The following PTPRT variants were observed in gnomAD, a reference collection of about 807,000 sequenced individuals.
The protein encoded by PTPRT is protein tyrosine phosphatase receptor type T, also known as receptor-type tyrosine-protein phosphatase T.
Under a neutral mutation model 176.8 loss-of-function variants are expected in PTPRT, and 56 were observed. The ratio of observed to expected loss-of-function variants is 0.32; its 90% confidence interval spans 0.26 to 0.40. The LOEUF (loss-of-function observed/expected upper bound fraction) is 0.40, where lower values mean the gene tolerates loss of function less well. Ranked by LOEUF, PTPRT falls within the 10% of genes least tolerant of loss-of-function variation. The pLI is 1.00. For synonymous variants in PTPRT, 783 were observed against 739.0 expected (o/e 1.06, Z -0.96); for missense variants, 1,540 against 1,908.2 (o/e 0.81, Z 3.60).
rs139563643 is a variant in PTPRT at position 42,527,626 on chromosome 20, C to T, written c.1154-55064G>A. On this transcript the variant is annotated intron_variant, in intron 7 of 30. Transcript: ENST00000373187. ...AGCAGAAGGAGCAGAAGGGTCTTTGCTATCTCAAAATCAGAAGTCTGTTCC... is the reference window on the plus strand; with the variant it reads ...AGCAGAAGGAGCAGAAGGGTCTTTGTTATCTCAAAATCAGAAGTCTGTTCC... 4.6e-3 allele frequency among the ~76,000 whole-genome samples: 699 copies of T among 152,270 alleles called. 4 individuals are homozygous for T. The highest frequency in any genetic ancestry group is 0.016 in the African/African-American group (666 of 41,560).
At chr20:42,350,222 T>TTTTTG (rs1568799279) in intron 11 of PTPRT, among the ~76,000 whole-genome samples, 1 of 55,944 alleles carries the variant, frequency 1.8e-5, no homozygotes, top group African/African-American at 6.7e-5. Context: ...TTGTTTTTTT[T>TTTTTG]TTTTTTTTTT....
intron 1 of PTPRT, among the ~76,000 whole-genome samples, chr20:43,021,801 G>A (rs1315291787): frequency 3.6e-5 from 4 of 110,472 alleles, no homozygotes; most frequent in African/African-American, 1.2e-4. Flanking sequence ...CACATAATGG[G>A]AGATACAGGA....
At chr20:42,055,400 A>T in the PTPRT span, among the ~76,000 whole-genome samples, 8 of 152,188 alleles carry the variant, frequency 5.3e-5, no homozygotes, top group Non-Finnish European at 8.8e-5. Context: ...CGGAGACTCA[A>T]TTCGGGTCTA....
At chr20:42,977,771 C>G (rs1983032629) in intron 1 of PTPRT, among the ~76,000 whole-genome samples, 1 of 152,194 alleles carries the variant, frequency 6.6e-6, no homozygotes, top group African/African-American at 2.4e-5. Context: ...ATTATTTTAG[C>G]TACTCTCTAT....
chr20:42,918,767 C>G (rs996211716), intron 1 of PTPRT, among the ~76,000 whole-genome samples: 1 of 152,284 alleles, frequency 6.6e-6, no homozygotes, highest in Non-Finnish European at 1.5e-5. Flanking sequence ...AGGGGTCAGA[C>G]AGTGCTTGCC....
chr20:42,215,770 T>A (rs989597523), intron 15 of PTPRT, among the ~76,000 whole-genome samples: 9 of 79,892 alleles, frequency 1.1e-4, no homozygotes, highest in African/African-American at 2.9e-4. Flanking sequence ...GCTAGGAGAC[T>A]CCTTGCAGCA....
intron 7 of PTPRT, among the ~76,000 whole-genome samples, chr20:42,530,579 T>C (rs2072364490): frequency 6.6e-6 from 1 of 152,240 alleles, no homozygotes; most frequent in Admixed American, 6.5e-5. Flanking sequence ...ATCAGATCCA[T>C]GTGGGAAAAG....
chr20:42,331,122 T>A (rs1354525550), intron 11 of PTPRT, among the ~76,000 whole-genome samples: 1 of 151,832 alleles, frequency 6.6e-6, no homozygotes, highest in African/African-American at 2.4e-5. Context: ...CTCTCAAACC[T>A]CAGACATCCT....
chr20:43,099,684 C>T (rs894061167), intron 1 of PTPRT, among the ~76,000 whole-genome samples: 5 of 152,284 alleles, frequency 3.3e-5, no homozygotes, highest in African/African-American at 4.8e-5. Flanking sequence ...GTCTAAAATC[C>T]TCATCTCCAT....
At chr20:42,086,743 A>ATATATAT (rs1436136131) in intron 27 of PTPRT, among the ~76,000 whole-genome samples, 1 of 38,302 alleles carries the variant, frequency 2.6e-5, no homozygotes, top group Non-Finnish European at 5.8e-5. Flanking sequence ...AAAAAAAAAA[A>ATATATAT]AAAAAAAAAA....
chr20:42,557,582 T>A (rs2072881719), intron 7 of PTPRT, among the ~76,000 whole-genome samples: 1 of 152,148 alleles, frequency 6.6e-6, no homozygotes, highest in African/African-American at 2.4e-5. Flanking sequence ...CTTCTCACCA[T>A]TTTTTTAATG....
chr20:42,487,114 G>T (rs1010859763), intron 7 of PTPRT, among the ~76,000 whole-genome samples: 1 of 152,182 alleles, frequency 6.6e-6, no homozygotes, highest in African/African-American at 2.4e-5. Context: ...TCAGGTGTGT[G>T]GAGAGCCAGA....
At chr20:42,531,958 G>T (rs558367781) in intron 7 of PTPRT, among the ~76,000 whole-genome samples, 3 of 152,200 alleles carry the variant, frequency 2.0e-5, no homozygotes, top group African/African-American at 7.2e-5. Context: ...GAAGATGAGC[G>T]TGCCCTCATG....
intron 8 of PTPRT, among the ~76,000 whole-genome samples, chr20:42,451,009 G>C (rs1443420641): frequency 3.9e-5 from 6 of 152,206 alleles, no homozygotes; most frequent in Non-Finnish European, 8.8e-5. Context: ...ATAAGTAGAA[G>C]TTATCAGGGC....
At chr20:42,922,848 GC>G (rs762363777) in intron 1 of PTPRT, among the ~76,000 whole-genome samples, 125 of 152,166 alleles carry the variant, frequency 8.2e-4, no homozygotes, top group Non-Finnish European at 1.5e-3. Flanking sequence ...TGCAGGTGAA[GC>G]ATAGACCACC....
In PTPRT at chr20:42,157,867, T is replaced by C. The variant is rs1989430796; in HGVS notation, c.2682+3485A>G. Among the ~76,000 whole-genome samples the C allele has an allele frequency of 2.0e-5, 3 of 152,182 alleles. No individual in the cohort carries two copies. In the South Asian group the frequency reaches 6.2e-4, roughly 32 times the overall value. ...ATGGAGTTCTGAGCCACCATGGAAA[T>C]CGTCCACCTATCCCAAGGCTACTAC... On this transcript the variant is annotated intron_variant, in intron 17 of 30. Transcript: ENST00000373187.
intron 7 of PTPRT, among the ~76,000 whole-genome samples, chr20:42,500,574 C>T (rs1203851297): frequency 6.6e-6 from 1 of 151,986 alleles, no homozygotes; most frequent in African/African-American, 2.4e-5. Flanking sequence ...ATTCATTTTA[C>T]TCCCCTTTAA....
chr20:42,337,746 C>A (rs1039158935), intron 11 of PTPRT, among the ~76,000 whole-genome samples: 10 of 152,174 alleles, frequency 6.6e-5, no homozygotes, highest in Admixed American at 5.2e-4. Context: ...CATCAGTATT[C>A]GATCTGGGAC....
chr20:42,250,031 C>T (rs910526619), intron 13 of PTPRT, among the ~76,000 whole-genome samples: 1 of 152,334 alleles, frequency 6.6e-6, no homozygotes, highest in Middle Eastern at 3.4e-3. Context: ...CTTCATCAGC[C>T]AATACGCTTT....
Sources: gnomAD v4.1 joint callset for allele counts (sites outside exome capture counted in the v4.1 genomes callset) on GRCh38, gnomAD v4.1.1 for gene constraint, MANE v1.5 for transcripts, NCBI Gene and HGNC (gene_info 2026-07-23, HGNC 2026-07-21) for gene names.